The following SCUBE3 variants were observed in gnomAD, a reference collection of about 807,000 sequenced individuals.
The protein encoded by SCUBE3 is signal peptide, CUB and EGF-like domain-containing protein 3.
In SCUBE3, 33 loss-of-function variants were observed where a neutral mutation model predicts 116.8. The observed-to-expected ratio is 0.28, with a 90% confidence interval of 0.21 to 0.38. SCUBE3 has a LOEUF of 0.38. Ranked by LOEUF, SCUBE3 falls within the 10% of genes least tolerant of loss-of-function variation. The pLI is 1.00. For missense variants in SCUBE3, 1,007 were observed against 1,324.8 expected, an observed-to-expected ratio of 0.76 and a Z score of 3.72; for synonymous variants, 418 against 496.9, an observed-to-expected ratio of 0.84 and a Z score of 2.11.
chr6:35,234,030 G>C (rs923838555), intron 6 of SCUBE3, among the ~76,000 whole-genome samples: 3 of 152,100 alleles, frequency 2.0e-5, no homozygotes, highest in Non-Finnish European at 4.4e-5. Flanking sequence ...CCCTCTTCCT[G>C]AATTCTTAGG....
At position 35,248,916 on chromosome 6, in the gene SCUBE3, T is replaced by C. The variant is rs1383191757; in HGVS notation, c.*211T>C. 4 of 576,514 alleles carry C rather than the reference T, an allele frequency of 6.9e-6. No individual in the cohort carries two copies. Among genetic ancestry groups the C allele is most frequent in the East Asian group, 2.9e-5 (1 of 34,450 alleles). 35.7% of individuals were successfully genotyped at this position (576,514 alleles called of 1,614,324 possible). A position where few individuals can be genotyped will look rare whatever the true frequency, so the allele number is the denominator to read the frequency against. On this transcript the variant is annotated 3_prime_UTR_variant, in exon 22 of 22. Transcript: ENST00000274938. ...CCTGCCTCTCTACTGTTCCCCCTTT[T>C]CTAACACACTACCTAGAAAAGCCAT... is the stretch of plus-strand genomic sequence containing the variant.
At chr6:35,224,478 A>G (rs1783244245) in intron 1 of SCUBE3, 1 of 152,060 alleles carries the variant, frequency 6.6e-6, no homozygotes, top group Non-Finnish European at 1.5e-5. Context: ...TAATACAAAA[A>G]TTAGCCAAGT....
rs773111920 is a variant in SCUBE3 at position 35,241,065 on chromosome 6, C to G, written c.1070-76C>G. ...GGTACCTGAAACTCTAACCAAAGGC[C>G]CTCACTCACTGCCTACTCTCCGGCT... On this transcript the variant is annotated intron_variant, in intron 9 of 21. Coordinates refer to ENST00000274938, the MANE Select transcript of SCUBE3 (RefSeq NM_152753.4). This position sits in a 1 kb window ranked among gnomAD's most constrained non-coding sequence, Gnocchi z 4.1. 11 of 1,430,192 alleles carry G rather than the reference C, an allele frequency of 7.7e-6. No homozygotes were observed. The highest frequency in any genetic ancestry group is 1.1e-5 in the Non-Finnish European group (11 of 1,043,976). The allele number at this position is 1,430,192 out of a possible 1,614,324, so 88.6% of individuals were successfully genotyped here.
Position 35,242,608 on chromosome 6 carries a change from G to T in SCUBE3, c.1535-14G>T, listed in dbSNP as rs910578166. 1.2e-6 allele frequency: 2 copies of T among 1,600,190 alleles called. No homozygotes were observed. The highest frequency in any genetic ancestry group is 3.4e-5 in the Admixed American group (2 of 59,688). ...CAGGGGATGTCCCTGGGGTTGACAA[G>T]CCCTCTCTCCCAGGTGGTGCCCCCT... is the stretch of plus-strand genomic sequence containing the variant. On this transcript the variant is annotated splice_polypyrimidine_tract_variant and intron_variant, in intron 13 of 21. Transcript: ENST00000274938.
In SCUBE3 at chr6:35,231,147, A is replaced by G. The variant is rs1004907168; in HGVS notation, c.335-578A>G. Among the ~76,000 whole-genome samples the G allele has an allele frequency of 7.2e-5, 11 of 152,220 alleles. No individual in the cohort carries two copies. The highest frequency in any genetic ancestry group is 3.9e-4 in the East Asian group (2 of 5,174). ...GGAATATGGCAGCAAGCCCAGGCAC[A>G]GGGGGGAGGGGAGGAAGGACAGGGC... is the stretch of plus-strand genomic sequence containing the variant. On this transcript the variant is annotated intron_variant, in intron 3 of 21. Coordinates refer to ENST00000274938, the MANE Select transcript of SCUBE3 (RefSeq NM_152753.4). The surrounding 1 kb of genome is among the most constrained non-coding windows in gnomAD (Gnocchi z 4.2).
At chr6:35,230,842 A>G (rs982931582) in intron 3 of SCUBE3, among the ~76,000 whole-genome samples, 34 of 152,176 alleles carry the variant, frequency 2.2e-4, no homozygotes, top group African/African-American at 8.0e-4. Context: ...CCATTTGACA[A>G]CCAATCTACG....
In SCUBE3 at chr6:35,239,614, AC is replaced by A. The variant is rs1011177031; in HGVS notation, c.830-137del. On this transcript the variant is annotated intron_variant, in intron 7 of 21. Transcript: ENST00000274938. This position sits in a 1 kb window ranked among gnomAD's most constrained non-coding sequence, Gnocchi z 4.1. ...AGACAGGAAAGAGAAAGAGAAAGAG[AC>A]AGAGAGAGATCAAGAAGAGGCAGGC... 2.4e-5 allele frequency: 17 copies of A among 722,400 alleles called. No homozygotes were observed. The African/African-American group carries it at 2.9e-4, about 12-fold the overall frequency. The allele number at this position is 722,400 out of a possible 1,614,324, so 44.7% of individuals were successfully genotyped here.
chr6:35,221,554 A>C (rs556115739), intron 1 of SCUBE3: 1 of 152,354 alleles, frequency 6.6e-6, no homozygotes, highest in African/African-American at 2.4e-5. Flanking sequence ...ACAAATATTT[A>C]CTAAGTGGCT....
rs1168087798 is a variant in SCUBE3, at chr6:35,250,393, G to T, written c.*1688G>T. The T allele has an allele frequency of 1.3e-5, 2 of 152,172 alleles. No homozygotes were observed. The highest frequency in any genetic ancestry group is 6.5e-5 in the Admixed American group (1 of 15,278). 9.4% of individuals were successfully genotyped at this position (152,172 alleles called of 1,614,324 possible). A position where few individuals can be genotyped will look rare whatever the true frequency, so the allele number is the denominator to read the frequency against. On this transcript the variant is annotated 3_prime_UTR_variant, in exon 22 of 22. Coordinates refer to ENST00000274938, the MANE Select transcript of SCUBE3 (RefSeq NM_152753.4). ...ACCAGGACATACCACCTGGGGATGGGCTGACTCAGGGTCCCGAGGCCAGAG... is the reference window on the plus strand; with the variant it reads ...ACCAGGACATACCACCTGGGGATGGTCTGACTCAGGGTCCCGAGGCCAGAG...
At position 35,232,971 on chromosome 6, in the gene SCUBE3, T is replaced by C. The variant is rs1783613098; in HGVS notation, c.591T>C (p.Cys197=). 1 of 1,613,760 alleles carries C rather than the reference T, an allele frequency of 6.2e-7. No individual in the cohort carries two copies. Among genetic ancestry groups the C allele is most frequent in the Non-Finnish European group, 8.5e-7 (1 of 1,179,902 alleles). ...GFELTKNQRD[C]KLTCNYGNGG... is the part of the protein sequence containing the mutation. Reference sequence around the variant, plus strand: ...AGCTTACCAAGAACCAACGGGACTGTAAATGTGAGATAATTGGGATGGCAG... The same window carrying C: ...AGCTTACCAAGAACCAACGGGACTGCAAATGTGAGATAATTGGGATGGCAG... Residue 197 remains cysteine, a synonymous_variant, in exon 5 of 22, where the codon TGT becomes TGC. Transcript: ENST00000274938. This position sits in a 1 kb window ranked among gnomAD's most constrained non-coding sequence, Gnocchi z 4.2.
At position 35,232,842 on chromosome 6, in the gene SCUBE3, T is replaced by C. The variant is rs779484962; in HGVS notation, c.470-8T>C. On this transcript the variant is annotated splice_polypyrimidine_tract_variant and splice_region_variant and intron_variant, in intron 4 of 21. Transcript: ENST00000274938. The surrounding 1 kb of genome is among the most constrained non-coding windows in gnomAD (Gnocchi z 4.2). ...ACAGAGCATTCACACCCCTTTCTTC[T>C]CTTTTAGAAGGAATGAATTGCATGA... The C allele has an allele frequency of 1.2e-6, 2 of 1,614,060 alleles. No individual in the cohort carries two copies. The highest frequency in any genetic ancestry group is 1.7e-6 in the Non-Finnish European group (2 of 1,179,926).
rs1782815716 is a variant in SCUBE3, at chr6:35,214,672, C to G, written c.85+169C>G. Reference sequence around the variant, plus strand: ...GGGGCCCGACCGCTGGGCGCTGCGCCCCGAGCGAAAAGCCGGACAAGCTGG... The same window carrying G: ...GGGGCCCGACCGCTGGGCGCTGCGCGCCGAGCGAAAAGCCGGACAAGCTGG... On this transcript the variant is annotated intron_variant, in intron 1 of 21. Coordinates refer to ENST00000274938, the MANE Select transcript of SCUBE3 (RefSeq NM_152753.4). This position sits in a 1 kb window ranked among gnomAD's most constrained non-coding sequence, Gnocchi z 6.3. Among the ~76,000 whole-genome samples, 1 of 152,214 alleles carries G rather than the reference C, an allele frequency of 6.6e-6. No individual in the cohort carries two copies. Among genetic ancestry groups the G allele is most frequent in the African/African-American group, 2.4e-5 (1 of 41,468 alleles).
intron 1 of SCUBE3, among the ~76,000 whole-genome samples, chr6:35,226,767 C>T (rs920799877): frequency 6.6e-5 from 10 of 152,084 alleles, no homozygotes; most frequent in African/African-American, 1.2e-4. Flanking sequence ...CATGAGCCAC[C>T]GCGCCTGGCA....
At position 35,241,299 on chromosome 6, in the gene SCUBE3, A is replaced by G. The variant is rs780808505; in HGVS notation, c.1195+33A>G. On this transcript the variant is annotated intron_variant, in intron 10 of 21. Transcript: ENST00000274938. The surrounding 1 kb of genome is among the most constrained non-coding windows in gnomAD (Gnocchi z 4.1). ...GTGCCCTCTGCTGGCCAAAGATGACACTGCCATTTCAGGGAGCAGTTGGGG... is the reference window on the plus strand; with the variant it reads ...GTGCCCTCTGCTGGCCAAAGATGACGCTGCCATTTCAGGGAGCAGTTGGGG... The G allele has an allele frequency of 6.4e-7, 1 of 1,571,436 alleles. No homozygotes were observed. Among genetic ancestry groups the G allele is most frequent in the Non-Finnish European group, 8.7e-7 (1 of 1,152,538 alleles).
In SCUBE3 at chr6:35,231,708, C is replaced by CT. The variant is rs762554152; in HGVS notation, c.335-16dup. ...TGCCTGTACCCCATGACCCCACTGACTACCTATCCTGCACAGATGTGGACG... is the reference window on the plus strand; with the variant it reads ...TGCCTGTACCCCATGACCCCACTGACTTACCTATCCTGCACAGATGTGGACG... On this transcript the variant is annotated splice_polypyrimidine_tract_variant and intron_variant, in intron 3 of 21. Coordinates refer to ENST00000274938, the MANE Select transcript of SCUBE3 (RefSeq NM_152753.4). The surrounding 1 kb of genome is among the most constrained non-coding windows in gnomAD (Gnocchi z 4.2). 3 of 1,593,630 alleles carry CT rather than the reference C, an allele frequency of 1.9e-6. No homozygotes were observed. In the South Asian group the frequency reaches 3.3e-5, roughly 18 times the overall value.
chr6:35,241,490 C>A lies in SCUBE3; in HGVS notation c.1196-53C>A. ...AAGTAGCTGATTCCTCCAAATTACC[C>A]AACTGAGGGAAAGGAATGCATTCAT... On this transcript the variant is annotated intron_variant, in intron 10 of 21. Coordinates refer to ENST00000274938, the MANE Select transcript of SCUBE3 (RefSeq NM_152753.4). The surrounding 1 kb of genome is among the most constrained non-coding windows in gnomAD (Gnocchi z 4.1). The A allele has an allele frequency of 7.5e-7, 1 of 1,330,994 alleles. No homozygotes were observed. The highest frequency in any genetic ancestry group is 1.2e-5 in the South Asian group (1 of 85,128). 82.4% of individuals were successfully genotyped at this position (1,330,994 alleles called of 1,614,324 possible).
rs772931215 is a variant in SCUBE3 at position 35,233,971 on chromosome 6, C to T, written c.712+670C>T. On this transcript the variant is annotated intron_variant, in intron 6 of 21. Transcript: ENST00000274938. The surrounding 1 kb of genome is among the most constrained non-coding windows in gnomAD (Gnocchi z 5.7). ...CAACCCTGTTTCTTCCTCACCAACT[C>T]CAGCCTTCCATCTCTTACCTTGATT... 6.6e-6 allele frequency among the ~76,000 whole-genome samples: 1 copy of T among 152,164 alleles called. No individual in the cohort carries two copies. Among genetic ancestry groups the T allele is most frequent in the Non-Finnish European group, 1.5e-5 (1 of 68,020 alleles).
At chr6:35,221,292 C>A (rs547652646) in intron 1 of SCUBE3, 1 of 152,268 alleles carries the variant, frequency 6.6e-6, no homozygotes, top group East Asian at 1.9e-4. Flanking sequence ...TCTCTTCTGG[C>A]CCCAGCACTC....
At position 35,232,191 on chromosome 6, in the gene SCUBE3, C is replaced by G. The variant is rs1404624270; in HGVS notation, c.469+332C>G. Among the ~76,000 whole-genome samples the G allele has an allele frequency of 1.3e-5, 2 of 152,074 alleles. No homozygotes were observed. Among genetic ancestry groups the G allele is most frequent in the Non-Finnish European group, 2.9e-5 (2 of 68,014 alleles). ...CCTATCTGAGAGGGCCTCACCATAT[C>G]TTTTTCCTTGGATTGGCATGGGAGG... On this transcript the variant is annotated intron_variant, in intron 4 of 21. Transcript: ENST00000274938. This position sits in a 1 kb window ranked among gnomAD's most constrained non-coding sequence, Gnocchi z 4.2.
Sources: gnomAD v4.1 joint callset for allele counts (sites outside exome capture counted in the v4.1 genomes callset) on GRCh38, gnomAD v4.1.1 for gene constraint, Gnocchi (gnomAD v3.1) non-coding constraint, MANE v1.5 for transcripts, NCBI Gene and HGNC (gene_info 2026-07-23, HGNC 2026-07-21) for gene names.